NBEA: variants seen among roughly 807,000 people sequenced by gnomAD.
NBEA encodes lysosomal-trafficking regulator 2.
In NBEA, 44 loss-of-function variants were observed where a neutral mutation model predicts 343.4. That is an observed-to-expected ratio of 0.13 (90% CI 0.10 to 0.16). NBEA has a LOEUF of 0.16. NBEA is among the 10% of genes least tolerant of loss of function. The probability of loss-of-function intolerance (pLI) is 1.00; values close to 1 mark genes in which losing one functional copy is unlikely to be tolerated. For synonymous variants in NBEA, 1,175 were observed against 1,238.7 expected (o/e 0.95, Z 1.08); for missense variants, 2,555 against 3,631.3 (o/e 0.70, Z 7.62).
intron 10 of NBEA, among the ~76,000 whole-genome samples, chr13:35,097,822 T>C (rs749187831): frequency 1.2e-4 from 18 of 152,064 alleles, no homozygotes; most frequent in Non-Finnish European, 2.2e-4. Flanking sequence ...TAATGAAAGG[T>C]TTTTGAAGAA....
chr13:35,457,680 T>C (rs2046659706), intron 40 of NBEA, among the ~76,000 whole-genome samples: 4 of 152,050 alleles, frequency 2.6e-5, no homozygotes, highest in African/African-American at 9.7e-5. Flanking sequence ...GAGATCTCGG[T>C]TCACTGCAAG....
chr13:35,478,203 T>G (rs2075965053), intron 41 of NBEA, among the ~76,000 whole-genome samples: 1 of 152,216 alleles, frequency 6.6e-6, no homozygotes, highest in Non-Finnish European at 1.5e-5. Context: ...CACCTATTAT[T>G]TAATTTCTCC....
At chr13:35,068,979 C>T (rs1366233826) in intron 8 of NBEA, among the ~76,000 whole-genome samples, 1 of 152,032 alleles carries the variant, frequency 6.6e-6, no homozygotes, top group African/African-American at 2.4e-5. Context: ...GAGTTTGGGA[C>T]ATTTAATTTA....
chr13:35,265,137 T>C (rs1192193288), intron 34 of NBEA, among the ~76,000 whole-genome samples: 1 of 151,828 alleles, frequency 6.6e-6, no homozygotes, highest in Non-Finnish European at 1.5e-5. Flanking sequence ...ATATTTGCAA[T>C]TGCAATGTTT....
intron 41 of NBEA, chr13:35,474,872 C>T (rs1372133853): frequency 7.2e-6 from 5 of 696,748 alleles, no homozygotes; most frequent in East Asian, 2.8e-5. Flanking sequence ...TTTCTCCATC[C>T]GCTTCCCCTA....
chr13:35,236,887 T>C (rs2075265348), intron 34 of NBEA, among the ~76,000 whole-genome samples: 1 of 152,128 alleles, frequency 6.6e-6, no homozygotes, highest in Non-Finnish European at 1.5e-5. Flanking sequence ...TTAATAAAAT[T>C]ATTTTACACT....
In NBEA at chr13:35,580,053, C is replaced by A. The variant is rs1449148599; in HGVS notation, c.7036-3845C>A. On this transcript the variant is annotated intron_variant, in intron 45 of 58. Transcript: ENST00000379939. The stretch of plus-strand genomic sequence containing the variant: ...CAATATTGGAAACAGTGCCTTTTTG[C>A]AAGCTATGTAGGCTTTTTAGCAGTT... Among the ~76,000 whole-genome samples, 3 of 152,134 alleles carry A rather than the reference C, an allele frequency of 2.0e-5. No homozygotes were observed. In the East Asian group the frequency reaches 5.8e-4, roughly 29 times the overall value.
intron 48 of NBEA, among the ~76,000 whole-genome samples, chr13:35,608,413 T>A (rs2082371317): frequency 6.6e-6 from 1 of 152,196 alleles, no homozygotes; most frequent in Admixed American, 6.5e-5. Flanking sequence ...TGGTATTTCA[T>A]CACCACATTA....
intron 36 of NBEA, among the ~76,000 whole-genome samples, chr13:35,311,728 C>T (rs998295775): frequency 6.6e-6 from 1 of 152,046 alleles, no homozygotes; most frequent in Non-Finnish European, 1.5e-5. Context: ...GTGGCAGGTG[C>T]CCGTAATCCC....
At chr13:35,156,960 C>T in intron 20 of NBEA, 118 bp from the exon 21 acceptor site, 2 of 725,308 alleles carry the variant, frequency 2.8e-6, no homozygotes, top group South Asian at 3.1e-5. Context: ...CATGACTGTA[C>T]ACCTTGCTTT....
At chr13:35,053,846 T>C (rs1345270492) in intron 6 of NBEA, among the ~76,000 whole-genome samples, 1 of 152,138 alleles carries the variant, frequency 6.6e-6, no homozygotes, top group East Asian at 1.9e-4. Context: ...ATTTATAATA[T>C]TCACAAGGAA....
In NBEA at chr13:35,110,826, A is replaced by C; in HGVS notation, c.1850A>C (p.Tyr617Ser). ...HTPAKVQLSL[Y>S]TYLSAEFIGT... Reference sequence around the variant, plus strand: ...CTGTATTAGGTTCAGCTTTCCCTATACACATATTTGTCTGCTGAATTTATT... The same window carrying C: ...CTGTATTAGGTTCAGCTTTCCCTATCCACATATTTGTCTGCTGAATTTATT... The change falls in exon 13 of 59, where the codon TAC (tyrosine) becomes TCC (serine). Residue 617 changes from tyrosine (Y) to serine (S), a missense_variant. This residue lies in a region of NBEA where 360 missense variants were observed against 519.1 expected (regional missense o/e 0.69). Coordinates refer to ENST00000379939, the MANE Select transcript of NBEA (RefSeq NM_001385012.1). 6.2e-7 allele frequency: 1 copy of C among 1,611,604 alleles called. No homozygotes were observed. The highest frequency in any genetic ancestry group is 8.5e-7 in the Non-Finnish European group (1 of 1,178,108).
intron 38 of NBEA, among the ~76,000 whole-genome samples, chr13:35,356,947 C>T (rs2040524731): frequency 6.6e-6 from 1 of 152,120 alleles, no homozygotes. Flanking sequence ...TTCATCACTC[C>T]CTAAATTTTC....
At chr13:35,184,167 A>T in intron 30 of NBEA, 96 bp downstream of exon 30, 1 of 848,478 alleles carries the variant, frequency 1.2e-6, no homozygotes, top group Non-Finnish European at 1.8e-6. Context: ...ATAAATAAGT[A>T]TATACCTCAG....
chr13:35,334,442 G>A (rs537552872), intron 36 of NBEA, among the ~76,000 whole-genome samples: 1 of 152,196 alleles, frequency 6.6e-6, no homozygotes, highest in Admixed American at 6.5e-5. Flanking sequence ...GCTAATGTTT[G>A]TATTTTTAAT....
chr13:35,626,476 A>G (rs1028051586), intron 48 of NBEA, among the ~76,000 whole-genome samples: 1 of 152,204 alleles, frequency 6.6e-6, no homozygotes, highest in Non-Finnish European at 1.5e-5. Context: ...TATAAGATAT[A>G]TTTGTAATGA....
At position 35,182,375 on chromosome 13, in the gene NBEA, G is replaced by A. The variant is rs2071377820; in HGVS notation, c.4678G>A (p.Ala1560Thr). 3 of 1,605,368 alleles carry A rather than the reference G, an allele frequency of 1.9e-6. No individual in the cohort carries two copies. Among genetic ancestry groups the A allele is most frequent in the African/African-American group, 2.7e-5 (2 of 74,384 alleles). The part of the protein sequence containing the change: ...VFRDVDDSKQ[A>T]QFLALAVVYF... Reference sequence around the variant, plus strand: ...TTTTTCATAGGATGATAGCAAACAAGCACAGTTCTTAGCTCTGGCTGTTGT... The same window carrying A: ...TTTTTCATAGGATGATAGCAAACAAACACAGTTCTTAGCTCTGGCTGTTGT... The change falls in exon 29 of 59, where the codon GCA (alanine) becomes ACA (threonine). Residue 1560 changes from alanine (A) to threonine (T), a missense_variant. By Grantham distance (58) the Ala-to-Thr change is moderately conservative. This residue lies in a region of NBEA where 168 missense variants were observed against 193.0 expected (regional missense o/e 0.87). Coordinates refer to ENST00000379939, the MANE Select transcript of NBEA (RefSeq NM_001385012.1).
chr13:35,580,231 G>A (rs923025970), intron 45 of NBEA, among the ~76,000 whole-genome samples: 1 of 151,992 alleles, frequency 6.6e-6, no homozygotes, highest in African/African-American at 2.4e-5. Context: ...CTAAAAACAG[G>A]CTTTAAACTT....
At chr13:35,500,711 C>CTTTTTT (rs34522325) in intron 41 of NBEA, among the ~76,000 whole-genome samples, 1 of 17,110 alleles carries the variant, frequency 5.8e-5, no homozygotes, top group Non-Finnish European at 1.2e-4. Flanking sequence ...TTTCCTGGCT[C>CTTTTTT]TTCTTTTTTT....
Sources: gnomAD v4.1 joint callset for allele counts (sites outside exome capture counted in the v4.1 genomes callset) on GRCh38, gnomAD v4.1.1 for gene constraint, gnomAD v4.1.1 regional missense constraint, MANE v1.5 for transcripts, NCBI Gene and HGNC (gene_info 2026-07-23, HGNC 2026-07-21) for gene names.